The following PIEZO2 variants were observed in gnomAD, a reference collection of about 807,000 sequenced individuals.
PIEZO2 encodes piezo-type mechanosensitive ion channel component 2.
In PIEZO2, 172 loss-of-function variants were observed where a neutral mutation model predicts 337.3. That is an observed-to-expected ratio of 0.51 (90% CI 0.45 to 0.58). The LOEUF (loss-of-function observed/expected upper bound fraction) is 0.58, where lower values mean the gene tolerates loss of function less well. Ranked by LOEUF, PIEZO2 falls within the 20% of genes least tolerant of loss-of-function variation. The probability of loss-of-function intolerance (pLI) is 0.00; values close to 1 mark genes in which losing one functional copy is unlikely to be tolerated. For synonymous variants in PIEZO2, 1,251 were observed against 1,228.5 expected, an observed-to-expected ratio of 1.02 and a Z score of -0.38; for missense variants, 3,028 against 3,391.3, an observed-to-expected ratio of 0.89 and a Z score of 2.66.
rs2035096517 is a variant in PIEZO2 at position 10,696,548 on chromosome 18, T to C, written c.6828-9A>G. On this transcript the variant is annotated splice_polypyrimidine_tract_variant and intron_variant, in intron 45 of 55. Coordinates refer to ENST00000674853, the MANE Select transcript of PIEZO2 (RefSeq NM_001378183.1). ...CATAGATCTCCAGCGTCCTGCAAAA[T>C]GGAGACCCCCACCCCCAACCCACTT... The C allele has an allele frequency of 1.9e-6, 3 of 1,612,726 alleles. No individual in the cohort carries two copies. In the South Asian group the frequency reaches 3.3e-5, roughly 18 times the overall value.
intron 1 of PIEZO2, among the ~76,000 whole-genome samples, chr18:11,068,374 G>C (rs1219248076): frequency 1.3e-5 from 2 of 152,024 alleles, no homozygotes; most frequent in African/African-American, 4.8e-5. Context: ...AAAACAGGAG[G>C]AATTTCAGAA....
Position 11,111,539 on chromosome 18 carries a change from G to A in PIEZO2, c.64+36986C>T, listed in dbSNP as rs1242109399. 6.6e-6 allele frequency among the ~76,000 whole-genome samples: 1 copy of A among 152,166 alleles called. No individual in the cohort carries two copies. The highest frequency in any genetic ancestry group is 2.1e-4 in the South Asian group (1 of 4,828). Reference sequence around the variant, plus strand: ...CAGGGCCCTCCAAATCTGTGATGCCGTGGCCATTCTCTATACCACCTTCAG... The same window carrying A: ...CAGGGCCCTCCAAATCTGTGATGCCATGGCCATTCTCTATACCACCTTCAG... On this transcript the variant is annotated intron_variant, in intron 1 of 55. Transcript: ENST00000674853. The surrounding 1 kb of genome is among the most constrained non-coding windows in gnomAD (Gnocchi z 6.2).
chr18:10,725,132 TGCCTATGGCTGTGCTGAAGTACTGCGAG>T, intron 36 of PIEZO2: 1 of 1,454,032 alleles, frequency 6.9e-7, no homozygotes, highest in South Asian at 1.1e-5. Context: ...CAGGAGCCCA[TGCCTATGGCTGTGCTGAAGTACTGCGAG>T]GCCTCTGGAC....
rs139111443 is a variant in PIEZO2, at chr18:11,009,060, T to A, written c.161-29400A>T. ...TACTGTCTTGAAGATTGAATTCTGT[T>A]ACTTAACTACGTACGTGATTGTGTT... On this transcript the variant is annotated intron_variant, in intron 2 of 55. Transcript: ENST00000674853. This position sits in a 1 kb window ranked among gnomAD's most constrained non-coding sequence, Gnocchi z 4.6. 1.1e-3 allele frequency among the ~76,000 whole-genome samples: 160 copies of A among 152,364 alleles called. 2 individuals are homozygous for A. The highest frequency in any genetic ancestry group is 3.5e-3 in the African/African-American group (145 of 41,590).
Position 10,705,359 on chromosome 18 carries a change from C to T in PIEZO2, c.5976G>A (p.Thr1992=), listed in dbSNP as rs549488375. The change falls in exon 41 of 56, where the codon ACG becomes ACA. Residue 1992 remains threonine (T), a synonymous_variant. Transcript: ENST00000674853. The part of the protein sequence containing the change: ...SILPPLTHEL[T]ASELLLKKMF... The stretch of plus-strand genomic sequence containing the variant: ...ACTTTTTCAGCAGCAGCTCGCTGGC[C>T]GTCAGCTCATGGGTCAGGGGAGGTA... The T allele has an allele frequency of 6.3e-5, 97 of 1,535,274 alleles. No homozygotes were observed. The highest frequency in any genetic ancestry group is 1.2e-4 in the Admixed American group (6 of 50,848).
chr18:11,140,857 G>C (rs2040624493), intron 1 of PIEZO2, among the ~76,000 whole-genome samples: 1 of 152,214 alleles, frequency 6.6e-6, no homozygotes, highest in Non-Finnish European at 1.5e-5. Flanking sequence ...AACTGGATGT[G>C]AGCAGAAGTG....
chr18:11,091,383 C>CAAAAAAAAAAAAAAAAAAAAA (rs529307821), intron 1 of PIEZO2, among the ~76,000 whole-genome samples: 3 of 77,854 alleles, frequency 3.9e-5, no homozygotes, highest in Non-Finnish European at 5.7e-5. Flanking sequence ...GACTCCGTCT[C>CAAAAAAAAAAAAAAAAAAAAA]AAAAAAAAAA....
At chr18:10,774,151 T>A (rs539473032) in intron 18 of PIEZO2, 113 bp from the exon 19 acceptor site, 2 of 671,736 alleles carry the variant, frequency 3.0e-6, no homozygotes, top group African/African-American at 3.6e-5. Context: ...TGCATTCCTG[T>A]ATGCCTGTTG....
intron 3 of PIEZO2, among the ~76,000 whole-genome samples, chr18:10,924,342 G>A (rs16975569): frequency 0.11 from 16,909 of 152,104 alleles, 1,084 homozygotes; most frequent in African/African-American, 0.18. Flanking sequence ...TTATCCTAGG[G>A]GAAAAGCATA....
chr18:10,725,503 G>A (rs2144009088), intron 36 of PIEZO2: 2 of 1,450,342 alleles, frequency 1.4e-6, no homozygotes, highest in Non-Finnish European at 1.9e-6. Flanking sequence ...GCATGAAAGG[G>A]GCCTGGGAGC....
chr18:10,822,599 T>C (rs576315373), intron 7 of PIEZO2, among the ~76,000 whole-genome samples: 1 of 152,318 alleles, frequency 6.6e-6, no homozygotes, highest in South Asian at 2.1e-4. Context: ...CAGTGTCTGC[T>C]GGCCTCCAAT....
chr18:10,820,717 C>T (rs572557173), intron 7 of PIEZO2, among the ~76,000 whole-genome samples: 36 of 152,234 alleles, frequency 2.4e-4, no homozygotes, highest in Admixed American at 6.5e-4. Context: ...TCTACATTAT[C>T]GAGTGTCTCG....
intron 7 of PIEZO2, among the ~76,000 whole-genome samples, chr18:10,812,906 A>G (rs1411871774): frequency 1.3e-5 from 2 of 152,178 alleles, no homozygotes; most frequent in Non-Finnish European, 2.9e-5. Context: ...AGAAATACGT[A>G]ATACTGAAAA....
In PIEZO2 at chr18:10,726,321, C is replaced by T. The variant is rs2036536665; in HGVS notation, c.5029+5086G>A. The T allele has an allele frequency of 1.5e-6, 2 of 1,339,274 alleles. No individual in the cohort carries two copies. The highest frequency in any genetic ancestry group is 2.9e-5 in the African/African-American group (2 of 68,310). 83.0% of individuals were successfully genotyped at this position (1,339,274 alleles called of 1,614,324 possible). ...CCCCGGCCAGGTGGAGCAGGTGGGT[C>T]CCCGAACGCCCCGCCCAGCGCTGCC... is the stretch of plus-strand genomic sequence containing the variant. On this transcript the variant is annotated intron_variant, in intron 36 of 55. Transcript: ENST00000674853. This position sits in a 1 kb window ranked among gnomAD's most constrained non-coding sequence, Gnocchi z 5.9.
intron 27 of PIEZO2, among the ~76,000 whole-genome samples, chr18:10,753,363 T>C (rs1419674289): frequency 6.6e-6 from 1 of 152,194 alleles, no homozygotes; most frequent in East Asian, 1.9e-4. Flanking sequence ...TCCAAAGCCA[T>C]GGTGGGGCTT....
intron 1 of PIEZO2, among the ~76,000 whole-genome samples, chr18:11,147,907 G>C (rs2040848875): frequency 6.6e-6 from 1 of 152,240 alleles, no homozygotes; most frequent in South Asian, 2.1e-4. Flanking sequence ...CTGGGAGGCG[G>C]GACTAGGTGT....
chr18:10,838,814 C>CT (rs775071858), intron 7 of PIEZO2, among the ~76,000 whole-genome samples: 60 of 152,322 alleles, frequency 3.9e-4, no homozygotes, highest in South Asian at 1.2e-3. Flanking sequence ...CCATGACCAG[C>CT]TGGTCTTCCA....
At position 11,003,120 on chromosome 18, in the gene PIEZO2, C is replaced by T. The variant is rs1356028265; in HGVS notation, c.161-23460G>A. ...TTGCCGTGCCCTCCCAGGTCTTCCT[C>T]CAGCAGGCAGGATGGCACTTGGAGT... On this transcript the variant is annotated intron_variant, in intron 2 of 55. Transcript: ENST00000674853. This position sits in a 1 kb window ranked among gnomAD's most constrained non-coding sequence, Gnocchi z 4.6. Among the ~76,000 whole-genome samples the T allele has an allele frequency of 2.0e-5, 3 of 152,180 alleles. No homozygotes were observed. Among genetic ancestry groups the T allele is most frequent in the East Asian group, 3.9e-4 (2 of 5,190 alleles).
chr18:10,885,847 T>C (rs1421410562), intron 4 of PIEZO2, among the ~76,000 whole-genome samples: 2 of 152,140 alleles, frequency 1.3e-5, no homozygotes, highest in African/African-American at 4.8e-5. Context: ...GCTAGAAGAA[T>C]TTCAGATGAC....
Sources: allele counts gnomAD v4.1 joint callset (sites outside exome capture counted in the v4.1 genomes callset), GRCh38; gene constraint gnomAD v4.1.1; non-coding constraint Gnocchi (gnomAD v3.1); transcripts MANE v1.5; gene names NCBI Gene and HGNC (gene_info 2026-07-23, HGNC 2026-07-21).